The following UTP18 variants were observed in gnomAD, a reference collection of about 807,000 sequenced individuals.
UTP18 encodes UTP18 small subunit processome component.
Under a neutral mutation model 61.1 loss-of-function variants are expected in UTP18, and 36 were observed. The ratio of observed to expected loss-of-function variants is 0.59; its 90% CI spans 0.45 to 0.78. UTP18 has a LOEUF of 0.78. Among genes scored for constraint, UTP18 ranks in the 30% least tolerant of loss-of-function variants. UTP18 has a pLI of 0.00. For missense variants in UTP18, 753 were observed against 693.9 expected (o/e 1.09, Z -0.96); for synonymous variants, 282 against 251.1 (o/e 1.12, Z -1.16).
Position 51,277,299 on chromosome 17 carries a change from TGA to T in UTP18, c.1011_1012del (p.Gly338PhefsTer10). 6.2e-7 allele frequency: 1 copy of T among 1,613,890 alleles called. No homozygotes were observed. The highest frequency in any genetic ancestry group is 8.5e-7 in the Non-Finnish European group (1 of 1,179,884). ...GGAAAGTTAATTCCTGTGCATCAAG[TGA>T]GAGGTAAGATTTCTGTTGAATGCAC... On this transcript the variant is annotated frameshift_variant, in exon 7 of 14. Coordinates refer to ENST00000225298, the MANE Select transcript of UTP18 (RefSeq NM_016001.3). LOFTEE classifies it high-confidence loss of function.
chr17:51,264,100 G>T (rs1441716192), intron 2 of UTP18, among the ~76,000 whole-genome samples: 1 of 150,948 alleles, frequency 6.6e-6, no homozygotes, highest in Non-Finnish European at 1.5e-5. Context: ...GCAGTGGTGC[G>T]ATCTTGGTTC....
chr17:51,293,903 G>C lies in UTP18; in HGVS notation c.1504G>C (p.Val502Leu), dbSNP rs749938766. ...TAAAGTTTTTTATTATCTCCTGCAG[G>C]TTCATCTTCCTTCCTGTACAGTATT... Reference protein sequence around the residue: ...SEKMKEAVRLVHLPSCTVFSN... With the variant: ...SEKMKEAVRLLHLPSCTVFSN... Residue 502 changes from valine (V) to leucine (L), a missense_variant and splice_region_variant, in exon 12 of 14, where the codon GTT (valine) becomes CTT (leucine). By Grantham distance (32) the Val-to-Leu change is conservative. Coordinates refer to ENST00000225298, the MANE Select transcript of UTP18 (RefSeq NM_016001.3). The C allele has an allele frequency of 6.4e-7, 1 of 1,571,360 alleles. No individual in the cohort carries two copies.
rs369888880 is a variant in UTP18, at chr17:51,260,759, G to A, written c.175G>A (p.Ala59Thr). The change falls in exon 1 of 14, where the codon GCT becomes ACT. Residue 59 changes from alanine to threonine, a missense_variant. By Grantham distance (58) the Ala-to-Thr change is moderately conservative. Coordinates refer to ENST00000225298, the MANE Select transcript of UTP18 (RefSeq NM_016001.3). ...KPPARPSAAA[A>T]AIAVAAAEEE... is the part of the protein sequence containing the mutation. ...GCCGGCCCGGCCGAGCGCGGCGGCC[G>A]CTGCGATTGCAGTCGCGGCGGCGGA... The A allele has an allele frequency of 3.2e-4, 503 of 1,581,424 alleles. No individual in the cohort carries two copies. Among genetic ancestry groups the A allele is most frequent in the Non-Finnish European group, 3.8e-4 (443 of 1,164,878 alleles).
intron 2 of UTP18, among the ~76,000 whole-genome samples, chr17:51,264,682 A>C: frequency 7.1e-6 from 1 of 141,112 alleles, no homozygotes; most frequent in African/African-American, 2.6e-5. Flanking sequence ...GTGTTTAGTC[A>C]TTGTCTTCTT....
intron 9 of UTP18, among the ~76,000 whole-genome samples, chr17:51,282,224 C>T (rs1904955102): frequency 6.6e-6 from 1 of 152,058 alleles, no homozygotes; most frequent in African/African-American, 2.4e-5. Context: ...TTTATTTGAC[C>T]TCAGCTAGGA....
At chr17:51,266,960 C>T (rs1474330661) in intron 3 of UTP18, among the ~76,000 whole-genome samples, 1 of 152,092 alleles carries the variant, frequency 6.6e-6, no homozygotes, top group Non-Finnish European at 1.5e-5. Context: ...CTGGGCTCCC[C>T]ATAGCTGGGA....
chr17:51,282,867 C>CTTTTTTTTTTTTTTTTTT (rs534175274), intron 9 of UTP18, among the ~76,000 whole-genome samples: 1 of 120,696 alleles, frequency 8.3e-6, no homozygotes, highest in African/African-American at 2.8e-5. Context: ...TCTTCTTCTT[C>CTTTTTTTTTTTTTTTTTT]TTTTTTTTTT....
intron 1 of UTP18, among the ~76,000 whole-genome samples, 172 bp downstream of exon 1, chr17:51,261,098 T>G (rs1175863231): frequency 6.6e-6 from 1 of 152,228 alleles, no homozygotes; most frequent in Non-Finnish European, 1.5e-5. Context: ...CTCGCCTCCC[T>G]GCTCCAGACT....
In UTP18 at chr17:51,266,975, A is replaced by G. The variant is rs183577001; in HGVS notation, c.554+695A>G. Among the ~76,000 whole-genome samples the G allele has an allele frequency of 3.8e-3, 573 of 152,204 alleles. 3 individuals are homozygous for G. The highest frequency in any genetic ancestry group is 6.8e-3 in the Middle Eastern group (2 of 294). ...CTGGGCTCCCCATAGCTGGGACTAC[A>G]GGCATGTACCACCTTAATTTTTAAA... On this transcript the variant is annotated intron_variant, in intron 3 of 13. Transcript: ENST00000225298.
chr17:51,285,810 CCA>C (rs1473598823), intron 10 of UTP18, among the ~76,000 whole-genome samples: 1 of 152,168 alleles, frequency 6.6e-6, no homozygotes, highest in African/African-American at 2.4e-5. Flanking sequence ...GTTCAGTAAT[CCA>C]CAGTTTGAGG....
chr17:51,295,534 C>G (rs184968621), intron 12 of UTP18, among the ~76,000 whole-genome samples: 6 of 151,998 alleles, frequency 3.9e-5, no homozygotes, highest in African/African-American at 1.4e-4. Context: ...ATTTCTGAGG[C>G]CTCTGTTCTG....
chr17:51,294,004 C>G lies in UTP18; in HGVS notation c.1605C>G (p.Tyr535Ter). The G allele has an allele frequency of 3.7e-6, 6 of 1,610,142 alleles. No homozygotes were observed. Among genetic ancestry groups the G allele is most frequent in the Non-Finnish European group, 5.1e-6 (6 of 1,178,256 alleles). Residue 535 changes from tyrosine to a stop codon, truncating the protein, a stop_gained, in exon 12 of 14, where the codon TAC becomes TAG. Coordinates refer to ENST00000225298, the MANE Select transcript of UTP18 (RefSeq NM_016001.3). LOFTEE classifies it high-confidence loss of function. ...TGGATTTTTCTCCGAGAAGTGGATA[C>G]TTTGCCTTGGGGAATGAAAAGGGCA... The part of the protein sequence containing the change: ...HTMDFSPRSG[Y>*]FALGNEKGKA...
intron 1 of UTP18, among the ~76,000 whole-genome samples, chr17:51,262,261 T>C (rs1360571906): frequency 6.6e-6 from 1 of 151,898 alleles, no homozygotes; most frequent in Non-Finnish European, 1.5e-5. Flanking sequence ...TTTTTTTGTA[T>C]CTTTAGTAGA....
rs1172023896 is a variant in UTP18 at position 51,297,845 on chromosome 17, T to C, written c.*78T>C. On this transcript the variant is annotated 3_prime_UTR_variant, in exon 14 of 14. Transcript: ENST00000225298. ...CATCTCAGAAACTTTCCTGAATATG[T>C]GATAATATATGGAAAATGATTTATA... is the stretch of plus-strand genomic sequence containing the variant. 1.3e-5 allele frequency: 5 copies of C among 372,396 alleles called. No individual in the cohort carries two copies. In the East Asian group the frequency reaches 5.6e-4, roughly 42 times the overall value. The allele number at this position is 372,396 out of a possible 1,614,324, so 23.1% of individuals were successfully genotyped here.
intron 2 of UTP18, among the ~76,000 whole-genome samples, chr17:51,265,429 A>G (rs2055550761): frequency 6.8e-6 from 1 of 147,628 alleles, no homozygotes; most frequent in East Asian, 2.1e-4. Context: ...ACGCTGGACT[A>G]ATTTTGTGTT....
At chr17:51,262,034 C>T (rs1243218422) in intron 1 of UTP18, among the ~76,000 whole-genome samples, 1 of 151,958 alleles carries the variant, frequency 6.6e-6, no homozygotes, top group Non-Finnish European at 1.5e-5. Flanking sequence ...ACATTTCTAT[C>T]ATTGGTTTTG....
intron 4 of UTP18, among the ~76,000 whole-genome samples, chr17:51,270,276 C>G (rs912468410): frequency 6.6e-6 from 1 of 152,138 alleles, no homozygotes; most frequent in Non-Finnish European, 1.5e-5. Flanking sequence ...TCTTCTTTTT[C>G]TCTCATTTGG....
chr17:51,275,190 C>A (rs1904673745), intron 5 of UTP18, among the ~76,000 whole-genome samples: 1 of 143,842 alleles, frequency 7.0e-6, no homozygotes, highest in South Asian at 2.2e-4. Flanking sequence ...AGAGTGAAAC[C>A]CAGTCTCAAA....
intron 1 of UTP18, 50 bp downstream of exon 1, chr17:51,260,976 G>T: frequency 7.1e-7 from 1 of 1,411,296 alleles, no homozygotes; most frequent in South Asian, 1.6e-5. Context: ...CGGGGCGCGC[G>T]GTGGGCGGTG....
Sources: allele counts gnomAD v4.1 joint callset (sites outside exome capture counted in the v4.1 genomes callset), GRCh38; gene constraint gnomAD v4.1.1; transcripts MANE v1.5; gene names NCBI Gene and HGNC (gene_info 2026-07-23, HGNC 2026-07-21).